The following ERC2 variants were observed in gnomAD, a reference collection of about 807,000 sequenced individuals.
ERC2 encodes the protein ELKS/RAB6-interacting/CAST family member 2, also known as ERC protein 2.
A neutral mutation model predicts 114.8 loss-of-function variants in ERC2; 42 were observed. That is an observed-to-expected ratio of 0.37 (90% CI 0.29 to 0.47). The LOEUF is 0.47. ERC2 is among the 20% of genes least tolerant of loss of function. The pLI, the probability that ERC2 is intolerant of heterozygous loss-of-function variation, is 0.99. For missense variants in ERC2, 939 were observed against 1,150.7 expected, an observed-to-expected ratio of 0.82 and a Z score of 2.66; for synonymous variants, 454 against 425.5, an observed-to-expected ratio of 1.07 and a Z score of -0.82.
intron 2 of ERC2, among the ~76,000 whole-genome samples, chr3:56,319,044 G>A (rs2057005460): frequency 6.6e-6 from 1 of 151,142 alleles, no homozygotes; most frequent in African/African-American, 2.4e-5. Context: ...TGGTGAGAAT[G>A]CAAAATAGTG....
chr3:56,257,009 T>C (rs1416845338), intron 3 of ERC2, among the ~76,000 whole-genome samples: 3 of 152,204 alleles, frequency 2.0e-5, no homozygotes, highest in Non-Finnish European at 2.9e-5. Context: ...ATACTTACTT[T>C]TGTGACCTTG....
chr3:55,742,823 A>T (rs2066051657), intron 14 of ERC2, among the ~76,000 whole-genome samples: 1 of 152,204 alleles, frequency 6.6e-6, no homozygotes, highest in Admixed American at 6.5e-5. Flanking sequence ...TGTGTTTTCA[A>T]ATGGCATCTT....
At chr3:55,583,034 T>G (rs2057338130) in intron 17 of ERC2, among the ~76,000 whole-genome samples, 1 of 152,232 alleles carries the variant, frequency 6.6e-6, no homozygotes, top group Admixed American at 6.5e-5. Flanking sequence ...ATTGGCTGCT[T>G]AGCACAGAAA....
chr3:56,355,478 C>G (rs552816874), intron 2 of ERC2, among the ~76,000 whole-genome samples: 2 of 152,062 alleles, frequency 1.3e-5, no homozygotes, highest in Admixed American at 1.3e-4. Context: ...ACATCATGCT[C>G]GGATAATTTT....
chr3:55,934,995 G>T (rs2066347838), intron 13 of ERC2, among the ~76,000 whole-genome samples: 1 of 152,190 alleles, frequency 6.6e-6, no homozygotes, highest in Admixed American at 6.5e-5. Context: ...ATTCTAAGCA[G>T]TGACCTTGGA....
intron 17 of ERC2, among the ~76,000 whole-genome samples, chr3:55,642,092 A>C (rs2060208551): frequency 6.6e-6 from 1 of 152,198 alleles, no homozygotes; most frequent in Admixed American, 6.5e-5. Context: ...CAAGATAGGC[A>C]CTCAATATTT....
At chr3:56,417,931 G>A (rs1348914438) in intron 2 of ERC2, among the ~76,000 whole-genome samples, 3 of 152,190 alleles carry the variant, frequency 2.0e-5, no homozygotes, top group Admixed American at 1.3e-4. Context: ...GTGTTAAGTA[G>A]GGTTCAAGAT....
At chr3:55,857,410 G>A (rs2061837710) in intron 14 of ERC2, among the ~76,000 whole-genome samples, 1 of 151,710 alleles carries the variant, frequency 6.6e-6, no homozygotes, top group African/African-American at 2.4e-5. Flanking sequence ...TTTTAATTGT[G>A]GCAAATAGAT....
At chr3:56,379,108 C>T (rs1468225769) in intron 2 of ERC2, among the ~76,000 whole-genome samples, 1 of 152,048 alleles carries the variant, frequency 6.6e-6, no homozygotes, top group African/African-American at 2.4e-5. Flanking sequence ...TTTTAAATCC[C>T]ATGTGTATGT....
chr3:56,181,214 CT>C (rs1220818352), intron 3 of ERC2, among the ~76,000 whole-genome samples: 9 of 152,146 alleles, frequency 5.9e-5, no homozygotes, highest in African/African-American at 2.2e-4. Context: ...TTTTAGGTAT[CT>C]TAAATGCGCA....
At chr3:56,229,761 T>C (rs2050484911) in intron 3 of ERC2, among the ~76,000 whole-genome samples, 3 of 151,956 alleles carry the variant, frequency 2.0e-5, no homozygotes, top group African/African-American at 7.3e-5. Flanking sequence ...GTGCAAGGAA[T>C]TGAAAACATT....
intron 17 of ERC2, among the ~76,000 whole-genome samples, chr3:55,662,322 A>T (rs2061173412): frequency 6.6e-6 from 1 of 152,240 alleles, no homozygotes; most frequent in Admixed American, 6.5e-5. Context: ...AACTATCTAA[A>T]TGCCCATTAA....
At chr3:56,217,717 C>A (rs1418491008) in intron 3 of ERC2, among the ~76,000 whole-genome samples, 4 of 152,210 alleles carry the variant, frequency 2.6e-5, no homozygotes, top group African/African-American at 4.8e-5. Context: ...CTGGAGGCAT[C>A]ACGCTACCTG....
intron 17 of ERC2, chr3:55,610,504 AAAACAC>A (rs1233007952): frequency 3.5e-3 from 260 of 73,946 alleles, no homozygotes; most frequent in African/African-American, 0.01. Flanking sequence ...TCTCTACGGA[AAAACAC>A]ACACACACAC....
At chr3:56,371,258 T>C (rs921718750) in intron 2 of ERC2, among the ~76,000 whole-genome samples, 1 of 152,202 alleles carries the variant, frequency 6.6e-6, no homozygotes, top group Admixed American at 6.5e-5. Flanking sequence ...CAGGATTTAG[T>C]CAATGACTGC....
At chr3:55,822,408 C>T (rs926083464) in intron 14 of ERC2, among the ~76,000 whole-genome samples, 1 of 152,058 alleles carries the variant, frequency 6.6e-6, no homozygotes, top group Non-Finnish European at 1.5e-5. Flanking sequence ...ACCTGTTACA[C>T]CCCTTAATTA....
At chr3:55,730,807 T>A (rs981999228) in intron 15 of ERC2, among the ~76,000 whole-genome samples, 4 of 152,184 alleles carry the variant, frequency 2.6e-5, no homozygotes, top group Non-Finnish European at 5.9e-5. Flanking sequence ...GCTGTGATTA[T>A]ACCACTGTAC....
intron 17 of ERC2, among the ~76,000 whole-genome samples, chr3:55,649,336 C>T (rs573324900): frequency 1.3e-5 from 2 of 149,476 alleles, no homozygotes; most frequent in East Asian, 4.0e-4. Flanking sequence ...TCTTGGCTCA[C>T]TGCAACCTCT....
At chr3:56,419,327 C>T (rs1371023572) in intron 2 of ERC2, among the ~76,000 whole-genome samples, 1 of 152,164 alleles carries the variant, frequency 6.6e-6, no homozygotes, top group East Asian at 1.9e-4. Flanking sequence ...CAGAGGTAAA[C>T]TTGGAATTTT....
Sources: gnomAD v4.1 joint callset for allele counts (sites outside exome capture counted in the v4.1 genomes callset) on GRCh38, gnomAD v4.1.1 for gene constraint, MANE v1.5 for transcripts, NCBI Gene and HGNC (gene_info 2026-07-23, HGNC 2026-07-21) for gene names.